GM2A: variants seen among roughly 807,000 people sequenced by gnomAD.
GM2A encodes the protein ganglioside GM2 activator, also known as GM2 ganglioside activator.
GM2A carries 7 observed loss-of-function variants against 12.9 expected under a neutral mutation model. The ratio of observed to expected loss-of-function variants is 0.54; its 90% confidence interval spans 0.31 to 1.02. The LOEUF is 1.02. Ranked by LOEUF, GM2A falls within the 50% of genes least tolerant of loss-of-function variation. The probability of loss-of-function intolerance (pLI) is 0.05; values close to 1 mark genes in which losing one functional copy is unlikely to be tolerated. For synonymous variants in GM2A, 101 were observed against 96.0 expected, an observed-to-expected ratio of 1.05 and a Z score of -0.30; for missense variants, 246 against 241.0, an observed-to-expected ratio of 1.02 and a Z score of -0.14.
chr5:151,259,427 T>A (rs1209754871), intron 1 of GM2A, among the ~76,000 whole-genome samples: 2 of 151,344 alleles, frequency 1.3e-5, no homozygotes, highest in African/African-American at 4.9e-5. Flanking sequence ...AGCAGGGAGG[T>A]GGGAAGTCAG....
chr5:151,259,708 G>A (rs1396071858), intron 1 of GM2A, 47 bp from the exon 2 acceptor site: 6 of 1,588,376 alleles, frequency 3.8e-6, no homozygotes, highest in Non-Finnish European at 5.2e-6. Context: ...AGTTTCTTTT[G>A]TCAACCTTTT....
intron 2 of GM2A, among the ~76,000 whole-genome samples, chr5:151,262,383 C>T (rs1753813227): frequency 1.3e-5 from 2 of 152,234 alleles, no homozygotes; most frequent in South Asian, 4.1e-4. Context: ...GTCTTAATCA[C>T]AGCTCCTACG....
rs1753958139 is a variant in GM2A, at chr5:151,269,123, A to G, written c.*1672A>G. The G allele has an allele frequency of 5.1e-6, 5 of 985,466 alleles. No individual in the cohort carries two copies. Among genetic ancestry groups the G allele is most frequent in the Non-Finnish European group, 6.0e-6 (5 of 829,952 alleles). 61.0% of individuals were successfully genotyped at this position (985,466 alleles called of 1,614,324 possible). A position where few individuals can be genotyped will look rare whatever the true frequency, so the allele number is the denominator to read the frequency against. ...GGAAGAGAGGGTGGCCTCGACATCA[A>G]ACTGCCTGGATTTTTCTACCACCCT... is the stretch of plus-strand genomic sequence containing the variant. On this transcript the variant is annotated 3_prime_UTR_variant, in exon 4 of 4. Coordinates refer to ENST00000357164, the MANE Select transcript of GM2A (RefSeq NM_000405.5).
chr5:151,259,291 T>G (rs1753748464), intron 1 of GM2A, among the ~76,000 whole-genome samples: 1 of 152,192 alleles, frequency 6.6e-6, no homozygotes, highest in African/African-American at 2.4e-5. Flanking sequence ...TGTTTCCCAT[T>G]GTTCCTGGCT....
intron 1 of GM2A, among the ~76,000 whole-genome samples, chr5:151,255,473 G>A (rs1191879545): frequency 1.3e-5 from 2 of 152,126 alleles, no homozygotes; most frequent in Admixed American, 6.5e-5. Context: ...AGGGGAAAGC[G>A]GGTGATACTG....
intron 1 of GM2A, among the ~76,000 whole-genome samples, chr5:151,258,588 C>G (rs1753736584): frequency 6.6e-6 from 1 of 152,276 alleles, no homozygotes; most frequent in South Asian, 2.1e-4. Context: ...GCCCTTAGCC[C>G]TTAGCCCTAA....
At chr5:151,256,692 T>A (rs1479890740) in intron 1 of GM2A, among the ~76,000 whole-genome samples, 2 of 152,134 alleles carry the variant, frequency 1.3e-5, no homozygotes, top group African/African-American at 4.8e-5. Context: ...TAGCATCTTA[T>A]ATGTACATAT....
chr5:151,264,165 C>T (rs1020689530), intron 2 of GM2A, among the ~76,000 whole-genome samples: 4 of 152,192 alleles, frequency 2.6e-5, no homozygotes, highest in Non-Finnish European at 5.9e-5. Context: ...TAACTTGGCT[C>T]CCCCAGCACC....
At chr5:151,255,938 C>T (rs1427242408) in intron 1 of GM2A, among the ~76,000 whole-genome samples, 1 of 152,098 alleles carries the variant, frequency 6.6e-6, no homozygotes, top group African/African-American at 2.4e-5. Context: ...TTTGAAGAGG[C>T]CCTGAGACAT....
At chr5:151,265,183 G>T (rs894858473) in intron 2 of GM2A, among the ~76,000 whole-genome samples, 2 of 152,130 alleles carry the variant, frequency 1.3e-5, no homozygotes, top group Non-Finnish European at 2.9e-5. Context: ...GAGATAATGG[G>T]TATGTCTTAG....
intron 2 of GM2A, among the ~76,000 whole-genome samples, chr5:151,265,827 C>T (rs1753875082): frequency 6.6e-6 from 1 of 152,214 alleles, no homozygotes; most frequent in Admixed American, 6.5e-5. Context: ...GCTTTCCCGG[C>T]TGAGTCAGGG....
At position 151,259,901 on chromosome 5, in the gene GM2A, G is replaced by A. The variant is rs1753763846; in HGVS notation, c.228G>A (p.Leu76=). The change falls in exon 2 of 4, where the codon CTG becomes CTA. Residue 76 remains leucine (L), a synonymous_variant. Transcript: ENST00000357164. ...LSVMGSTSVP[L]SSPLKVDLVL... ...TCATGGGCAGCACCAGTGTCCCCCT[G>A]AGTTCTCCTCTGAAGGTGAGCCTGG... The A allele has an allele frequency of 6.2e-7, 1 of 1,613,652 alleles. No homozygotes were observed. Among genetic ancestry groups the A allele is most frequent in the South Asian group, 1.1e-5 (1 of 91,054 alleles).
intron 1 of GM2A, among the ~76,000 whole-genome samples, chr5:151,257,799 C>T (rs1753719758): frequency 6.6e-6 from 1 of 152,232 alleles, no homozygotes; most frequent in South Asian, 2.1e-4. Context: ...GTTCCCTCGG[C>T]CTGCACTTAC....
At position 151,268,364 on chromosome 5, in the gene GM2A, A is replaced by G. The variant is rs1311756148; in HGVS notation, c.*913A>G. 2 of 585,666 alleles carry G rather than the reference A, an allele frequency of 3.4e-6. No individual in the cohort carries two copies. The highest frequency in any genetic ancestry group is 4.3e-6 in the Non-Finnish European group (2 of 465,138). The allele number at this position is 585,666 out of a possible 1,614,324, so 36.3% of individuals were successfully genotyped here. A position where few individuals can be genotyped will look rare whatever the true frequency, so the allele number is the denominator to read the frequency against. On this transcript the variant is annotated 3_prime_UTR_variant, in exon 4 of 4. Coordinates refer to ENST00000357164, the MANE Select transcript of GM2A (RefSeq NM_000405.5). ...GAGATGGGGTTTCACCATGTTGGCC[A>G]GGATGGTCTCGATCTCTTGACCTCG... is the stretch of plus-strand genomic sequence containing the variant.
At chr5:151,259,320 G>A (rs558927986) in intron 1 of GM2A, among the ~76,000 whole-genome samples, 34 of 152,288 alleles carry the variant, frequency 2.2e-4, no homozygotes, top group South Asian at 1.9e-3. Context: ...GGCACGGGGT[G>A]TGACATGAAC....
intron 1 of GM2A, among the ~76,000 whole-genome samples, chr5:151,255,405 C>G (rs1004365371): frequency 6.6e-6 from 1 of 152,200 alleles, no homozygotes; most frequent in South Asian, 2.1e-4. Context: ...AGGTCCAACC[C>G]TGATCCCCTC....
Position 151,268,574 on chromosome 5 carries a change from A to C in GM2A, c.*1123A>C, listed in dbSNP as rs1561621343. 1.0e-6 allele frequency: 1 copy of C among 982,364 alleles called. No individual in the cohort carries two copies. The highest frequency in any genetic ancestry group is 1.2e-6 in the Non-Finnish European group (1 of 827,260). The allele number at this position is 982,364 out of a possible 1,614,324, so 60.9% of individuals were successfully genotyped here. A position where few individuals can be genotyped will look rare whatever the true frequency, so the allele number is the denominator to read the frequency against. The stretch of plus-strand genomic sequence containing the variant: ...CTGGTCTCCAGTTGGAAATATAATT[A>C]AGGGTGGCAAGGACTGGAGTCAGTT... On this transcript the variant is annotated 3_prime_UTR_variant, in exon 4 of 4. Coordinates refer to ENST00000357164, the MANE Select transcript of GM2A (RefSeq NM_000405.5).
Position 151,269,833 on chromosome 5 carries a change from C to A in GM2A, c.*2382C>A. 1 of 309,288 alleles carries A rather than the reference C, an allele frequency of 3.2e-6. No individual in the cohort carries two copies. The highest frequency in any genetic ancestry group is 4.9e-6 in the Non-Finnish European group (1 of 203,458). The allele number at this position is 309,288 out of a possible 1,614,324, so 19.2% of individuals were successfully genotyped here. The stretch of plus-strand genomic sequence containing the variant: ...TCTCACCGAGGTGCCCCATGGCAGT[C>A]TTCTGCAGCATTCTTCTAATACCTT... On this transcript the variant is annotated 3_prime_UTR_variant, in exon 4 of 4. Transcript: ENST00000357164.
chr5:151,255,410 C>G (rs1432352133), intron 1 of GM2A, among the ~76,000 whole-genome samples: 4 of 152,194 alleles, frequency 2.6e-5, no homozygotes, highest in Non-Finnish European at 5.9e-5. Flanking sequence ...CAACCCTGAT[C>G]CCCTCCCTTC....
Sources: allele counts gnomAD v4.1 joint callset (sites outside exome capture counted in the v4.1 genomes callset), GRCh38; gene constraint gnomAD v4.1.1; transcripts MANE v1.5; gene names NCBI Gene and HGNC (gene_info 2026-07-23, HGNC 2026-07-21).